HUNK: variants seen among roughly 807,000 people sequenced by gnomAD.
HUNK encodes the protein hormonally up-regulated Neu-associated kinase, also known as hormonally up-regulated neu tumor-associated kinase.
Under a neutral mutation model 61.0 loss-of-function variants are expected in HUNK, and 21 were observed. The ratio of observed to expected loss-of-function variants is 0.34; its 90% CI spans 0.24 to 0.50. The LOEUF (loss-of-function observed/expected upper bound fraction) is 0.50. Among genes scored for constraint, HUNK ranks in the 20% least tolerant of loss-of-function variants. HUNK has a pLI of 0.98. For synonymous variants in HUNK, 371 were observed against 386.1 expected, an observed-to-expected ratio of 0.96 and a Z score of 0.46; for missense variants, 772 against 945.7, an observed-to-expected ratio of 0.82 and a Z score of 2.41.
At chr21:31,979,000 A>T (rs763981207) in intron 7 of HUNK, among the ~76,000 whole-genome samples, 1 of 151,828 alleles carries the variant, frequency 6.6e-6, no homozygotes, top group Non-Finnish European at 1.5e-5. Flanking sequence ...GGTATCTTCC[A>T]TCTTTATGAT....
In HUNK at chr21:31,881,991, G is replaced by A. The variant is rs372843747; in HGVS notation, c.261+8056G>A. On this transcript the variant is annotated intron_variant, in intron 1 of 10. Transcript: ENST00000270112. The stretch of plus-strand genomic sequence containing the variant: ...TGGGTTTTTTCCTGAGAACTCTGGG[G>A]CAACTGAGTGTTGGGCCAAGTTGTG... 2.0e-5 allele frequency among the ~76,000 whole-genome samples: 3 copies of A among 152,148 alleles called. No homozygotes were observed. In the South Asian group the frequency reaches 6.2e-4, roughly 32 times the overall value.
chr21:31,911,784 G>C (rs898812596), intron 1 of HUNK, among the ~76,000 whole-genome samples: 1 of 152,036 alleles, frequency 6.6e-6, no homozygotes, highest in Non-Finnish European at 1.5e-5. Context: ...GGGTCCTTCT[G>C]TCATGGATCG....
At chr21:31,941,310 T>TC (rs35917018) in intron 3 of HUNK, among the ~76,000 whole-genome samples, 19,082 of 139,848 alleles carry the variant, frequency 0.14, 1,244 homozygotes, top group East Asian at 0.24. Context: ...TCTCTCTCTC[T>TC]TTTTTTTTTT....
At chr21:31,906,655 C>T (rs2052507634) in intron 1 of HUNK, among the ~76,000 whole-genome samples, 1 of 151,932 alleles carries the variant, frequency 6.6e-6, no homozygotes, top group African/African-American at 2.4e-5. Flanking sequence ...GTCTTGAACT[C>T]CTGGGCTCAA....
At chr21:31,880,071 T>A (rs1424244137) in intron 1 of HUNK, among the ~76,000 whole-genome samples, 1 of 152,178 alleles carries the variant, frequency 6.6e-6, no homozygotes, top group East Asian at 1.9e-4. Context: ...AGGAGGGGGA[T>A]GCCTCTGTGA....
chr21:31,965,613 T>A (rs77768513), intron 5 of HUNK, among the ~76,000 whole-genome samples: 20 of 144,046 alleles, frequency 1.4e-4, no homozygotes, highest in African/African-American at 3.5e-4. Flanking sequence ...TTTTTTTTTT[T>A]AATTTTGAGA....
chr21:31,974,785 C>T, intron 7 of HUNK, 68 bp downstream of exon 7: 1 of 1,421,776 alleles, frequency 7.0e-7, no homozygotes, highest in Non-Finnish European at 9.5e-7. Flanking sequence ...ACCCAAAGTG[C>T]TTCTCAGTTG....
chr21:31,949,068 A>C (rs1046381449), intron 4 of HUNK, among the ~76,000 whole-genome samples: 1 of 152,200 alleles, frequency 6.6e-6, no homozygotes, highest in African/African-American at 2.4e-5. Flanking sequence ...GTTTGCACGG[A>C]TAGAAGAGAG....
At chr21:31,970,964 C>T (rs1601404245) in intron 6 of HUNK, among the ~76,000 whole-genome samples, 1 of 152,172 alleles carries the variant, frequency 6.6e-6, no homozygotes, top group South Asian at 2.1e-4. Context: ...CTCAGGAAAA[C>T]AGCACTCAGT....
chr21:31,935,220 G>A (rs1270067188), intron 2 of HUNK, among the ~76,000 whole-genome samples: 1 of 152,178 alleles, frequency 6.6e-6, no homozygotes, highest in Non-Finnish European at 1.5e-5. Flanking sequence ...AAAGGGAAAT[G>A]TATCCAAAAG....
At chr21:31,994,421 T>C (rs906679235) in intron 9 of HUNK, among the ~76,000 whole-genome samples, 3 of 152,194 alleles carry the variant, frequency 2.0e-5, no homozygotes, top group Non-Finnish European at 4.4e-5. Context: ...GCTGCAAAAG[T>C]GTAGAGAGAT....
chr21:31,918,999 A>G (rs2052604411), intron 1 of HUNK, among the ~76,000 whole-genome samples: 2 of 132,476 alleles, frequency 1.5e-5, no homozygotes, highest in Admixed American at 1.5e-4. Flanking sequence ...GGCTGGACTG[A>G]GCGGTATGAG....
intron 1 of HUNK, among the ~76,000 whole-genome samples, chr21:31,892,572 A>G (rs1269823441): frequency 1.2e-5 from 1 of 85,678 alleles, no homozygotes; most frequent in Non-Finnish European, 2.0e-5. Context: ...TCTCTCTGAA[A>G]AAAAAAAAAA....
intron 10 of HUNK, among the ~76,000 whole-genome samples, chr21:31,998,302 G>T (rs940469002): frequency 6.6e-6 from 1 of 152,154 alleles, no homozygotes; most frequent in Non-Finnish European, 1.5e-5. Context: ...ACGTCCTGTC[G>T]CCAGCCCTCT....
chr21:31,883,550 G>A (rs1054287634), intron 1 of HUNK, among the ~76,000 whole-genome samples: 1 of 152,012 alleles, frequency 6.6e-6, no homozygotes, highest in Non-Finnish European at 1.5e-5. Flanking sequence ...ATTTTGCAGT[G>A]TCTACCACCT....
intron 1 of HUNK, among the ~76,000 whole-genome samples, chr21:31,909,019 T>A (rs1308149859): frequency 6.6e-6 from 1 of 152,068 alleles, no homozygotes; most frequent in Non-Finnish European, 1.5e-5. Context: ...GATGCTAGCA[T>A]TACCTGTTTT....
At chr21:31,926,392 G>A (rs2123817601) in intron 2 of HUNK, among the ~76,000 whole-genome samples, 1 of 152,180 alleles carries the variant, frequency 6.6e-6, no homozygotes, top group African/African-American at 2.4e-5. Context: ...ATAATCTAGT[G>A]TTTTTTAGTG....
At chr21:31,887,803 A>T (rs1279277580) in intron 1 of HUNK, among the ~76,000 whole-genome samples, 1 of 152,184 alleles carries the variant, frequency 6.6e-6, no homozygotes, top group Non-Finnish European at 1.5e-5. Context: ...GGATGATAGA[A>T]TGAAGTTTGG....
chr21:31,936,271 A>G (rs1784803063), intron 2 of HUNK, among the ~76,000 whole-genome samples: 1 of 152,230 alleles, frequency 6.6e-6, no homozygotes, highest in Non-Finnish European at 1.5e-5. Context: ...CCTAGGTAAA[A>G]GCTATTTTAA....
Sources: allele counts gnomAD v4.1 joint callset (sites outside exome capture counted in the v4.1 genomes callset), GRCh38; gene constraint gnomAD v4.1.1; transcripts MANE v1.5; gene names NCBI Gene and HGNC (gene_info 2026-07-23, HGNC 2026-07-21).